Variants in MACROD2 observed in about 807,000 individuals in gnomAD.
The protein encoded by MACROD2 is ADP-ribose glycohydrolase MACROD2.
In MACROD2, 36 loss-of-function variants were observed where a neutral mutation model predicts 70.4. The observed-to-expected ratio is 0.51, with a 90% confidence interval of 0.39 to 0.68. The LOEUF (loss-of-function observed/expected upper bound fraction) is 0.68. Ranked by LOEUF, MACROD2 falls within the 30% of genes least tolerant of loss-of-function variation. MACROD2 has a pLI of 0.00. For synonymous variants in MACROD2, 172 were observed against 178.8 expected, an observed-to-expected ratio of 0.96 and a Z score of 0.30; for missense variants, 496 against 538.4, an observed-to-expected ratio of 0.92 and a Z score of 0.78.
chr20:15,255,871 G>T (rs1036716591), intron 6 of MACROD2, among the ~76,000 whole-genome samples: 39 of 152,206 alleles, frequency 2.6e-4, no homozygotes, highest in African/African-American at 9.4e-4. Flanking sequence ...TATGGCATGG[G>T]ACACTCAAAA....
intron 6 of MACROD2, among the ~76,000 whole-genome samples, chr20:15,291,974 T>C (rs868654744): frequency 2.0e-5 from 3 of 152,220 alleles, no homozygotes; most frequent in African/African-American, 4.8e-5. Context: ...ATTGTTGCAT[T>C]AAGTACCAGG....
chr20:15,343,836 G>A (rs182501472), intron 6 of MACROD2, among the ~76,000 whole-genome samples: 5 of 152,220 alleles, frequency 3.3e-5, no homozygotes, highest in South Asian at 2.1e-4. Flanking sequence ...TGTAACATCC[G>A]TCATGTTACT....
chr20:14,726,927 C>A (rs1328370055), intron 5 of MACROD2, among the ~76,000 whole-genome samples: 1 of 152,004 alleles, frequency 6.6e-6, no homozygotes, highest in Admixed American at 6.6e-5. Context: ...AATCATTTTA[C>A]CAGAGGTTAA....
intron 4 of MACROD2, among the ~76,000 whole-genome samples, chr20:14,673,646 C>T (rs1393896580): frequency 6.6e-6 from 1 of 152,098 alleles, no homozygotes; most frequent in Non-Finnish European, 1.5e-5. Flanking sequence ...TGGCTGGGCA[C>T]AGTGGCTCAC....
intron 3 of MACROD2, among the ~76,000 whole-genome samples, chr20:14,425,257 A>C (rs1173465653): frequency 1.3e-5 from 2 of 152,100 alleles, no homozygotes; most frequent in Non-Finnish European, 2.9e-5. Context: ...GGCATTATCT[A>C]CTGGCATTCC....
rs2054076883 is a variant in MACROD2 at position 14,086,375 on chromosome 20, T to G, written c.271+647T>G. ...AACAGCCGTGATTCTACAAAAATAT[T>G]GTAAATGAGAGGATATTTAATGATT... On this transcript the variant is annotated intron_variant, in intron 3 of 17. Coordinates refer to ENST00000684519, the MANE Select transcript of MACROD2 (RefSeq NM_001351661.2). 4 of 219,174 alleles carry G rather than the reference T, an allele frequency of 1.8e-5. No homozygotes were observed. The Admixed American group carries it at 2.0e-4, about 11-fold the overall frequency. The allele number at this position is 219,174 out of a possible 1,614,324, so 13.6% of individuals were successfully genotyped here. A position where few individuals can be genotyped will look rare whatever the true frequency, so the allele number is the denominator to read the frequency against.
chr20:15,147,290 ATC>A (rs1158147952), intron 5 of MACROD2, among the ~76,000 whole-genome samples: 2 of 152,172 alleles, frequency 1.3e-5, no homozygotes, highest in African/African-American at 4.8e-5. Flanking sequence ...AATTTTCCTT[ATC>A]TCTCATCTAT....
intron 3 of MACROD2, among the ~76,000 whole-genome samples, chr20:14,277,225 G>A (rs558664900): frequency 7.2e-5 from 11 of 152,202 alleles, no homozygotes; most frequent in East Asian, 1.9e-4. Flanking sequence ...TGAGGGGGGC[G>A]GATCGTGAGT....
chr20:15,578,556 A>T (rs1273986055), intron 8 of MACROD2, among the ~76,000 whole-genome samples: 2 of 21,914 alleles, frequency 9.1e-5, no homozygotes, highest in Non-Finnish European at 2.2e-3. Context: ...CATATGCCAG[A>T]GACTATGCAC....
intron 5 of MACROD2, among the ~76,000 whole-genome samples, chr20:14,950,702 C>T (rs1173222961): frequency 6.6e-6 from 1 of 152,100 alleles, no homozygotes; most frequent in African/African-American, 2.4e-5. Flanking sequence ...TTCAGGGTCT[C>T]CATTGAAGAG....
rs981254874 is a variant in MACROD2, at chr20:14,065,316, A to G, written c.164-20305A>G. On this transcript the variant is annotated intron_variant, in intron 2 of 17. Transcript: ENST00000684519. ...CTCTCGCAATTTCTTTGACTGTTGT[A>G]TAACTCTGCAGTCCTTAACTATATT... Among the ~76,000 whole-genome samples the G allele has an allele frequency of 3.9e-5, 6 of 152,206 alleles. 1 individual carries two copies. In the South Asian group the frequency reaches 1.0e-3, roughly 26 times the overall value.
At chr20:14,085,597 A>G (rs752792652) in intron 2 of MACROD2, 24 bp from the exon 3 acceptor site, 5 of 1,271,250 alleles carry the variant, frequency 3.9e-6, no homozygotes, top group Non-Finnish European at 4.4e-6. Flanking sequence ...ATTATTATTG[A>G]TATATATCCA....
At position 15,345,669 on chromosome 20, in the gene MACROD2, A is replaced by G. The variant is rs1161055643; in HGVS notation, c.541-85736A>G. ...ATGTGGCTAACGCGACTGAGGAATTACATTTTAAACTTTACTTAACTTTAA... is the reference window on the plus strand; with the variant it reads ...ATGTGGCTAACGCGACTGAGGAATTGCATTTTAAACTTTACTTAACTTTAA... On this transcript the variant is annotated intron_variant, in intron 6 of 17. Coordinates refer to ENST00000684519, the MANE Select transcript of MACROD2 (RefSeq NM_001351661.2). Among the ~76,000 whole-genome samples the G allele has an allele frequency of 3.3e-5, 5 of 152,380 alleles. No homozygotes were observed. In the East Asian group the frequency reaches 9.6e-4, roughly 29 times the overall value.
intron 3 of MACROD2, among the ~76,000 whole-genome samples, chr20:14,287,132 C>T (rs2082351608): frequency 6.6e-6 from 1 of 152,170 alleles, no homozygotes; most frequent in African/African-American, 2.4e-5. Flanking sequence ...AATTCTTCCC[C>T]AATGAGGCAT....
At chr20:15,237,361 G>A (rs2077022649) in intron 6 of MACROD2, among the ~76,000 whole-genome samples, 1 of 152,120 alleles carries the variant, frequency 6.6e-6, no homozygotes, top group Non-Finnish European at 1.5e-5. Context: ...AATTTTTTTT[G>A]TAGTGATTCT....
intron 6 of MACROD2, among the ~76,000 whole-genome samples, chr20:15,374,137 A>G (rs2045529381): frequency 1.3e-5 from 2 of 152,036 alleles, no homozygotes; most frequent in African/African-American, 4.8e-5. Flanking sequence ...AATCTTGCAA[A>G]AGCTTCAGAG....
chr20:14,309,188 A>G (rs1055262941), intron 3 of MACROD2, among the ~76,000 whole-genome samples: 2 of 152,202 alleles, frequency 1.3e-5, no homozygotes, highest in Admixed American at 6.5e-5. Context: ...AATGAATAAA[A>G]TGAGGATTAC....
intron 5 of MACROD2, among the ~76,000 whole-genome samples, chr20:14,976,262 T>C (rs149020576): frequency 6.6e-6 from 1 of 152,338 alleles, no homozygotes; most frequent in East Asian, 1.9e-4. Flanking sequence ...TTCCTTGGGC[T>C]AAAGGTGAGG....
chr20:14,107,688 C>T (rs1299485506), intron 3 of MACROD2, among the ~76,000 whole-genome samples: 3 of 109,006 alleles, frequency 2.8e-5, no homozygotes, highest in Non-Finnish European at 4.8e-5. Flanking sequence ...TCTGGCAGCA[C>T]CTCTTTCAGT....
Sources: allele counts gnomAD v4.1 joint callset (sites outside exome capture counted in the v4.1 genomes callset), GRCh38; gene constraint gnomAD v4.1.1; transcripts MANE v1.5; gene names NCBI Gene and HGNC (gene_info 2026-07-23, HGNC 2026-07-21).